The following ZNF536 variants were observed in gnomAD, a reference collection of about 807,000 sequenced individuals.
The protein encoded by ZNF536 is zinc finger protein 536.
ZNF536 carries 13 observed loss-of-function variants against 84.5 expected under a neutral mutation model. That is an observed-to-expected ratio of 0.15 (90% CI 0.10 to 0.24). ZNF536 has a LOEUF of 0.24. Among genes scored for constraint, ZNF536 ranks in the 10% least tolerant of loss-of-function variants. The pLI is 1.00. For synonymous variants in ZNF536, 811 were observed against 742.5 expected (o/e 1.09, Z -1.50); for missense variants, 1,536 against 1,747.5 (o/e 0.88, Z 2.16).
At chr19:30,656,445 T>C (rs1231912417) in intron 1 of ZNF536, among the ~76,000 whole-genome samples, 1 of 152,186 alleles carries the variant, frequency 6.6e-6, no homozygotes, top group East Asian at 1.9e-4. Context: ...TGGAGCACGT[T>C]GCACCATCTC....
chr19:30,520,772 T>C (rs2044287808), intron 2 of ZNF536, among the ~76,000 whole-genome samples: 1 of 152,066 alleles, frequency 6.6e-6, no homozygotes, highest in East Asian at 1.9e-4. Context: ...CTTTAGACCT[T>C]GTAGATGGTG....
rs148859721 is a variant in ZNF536 at position 30,316,411 on chromosome 19, A to G, written c.-120+32270A>G. On this transcript the variant is annotated intron_variant, in intron 2 of 5. Transcript: ENST00000585628. ...CATATCTGTATTGCCCACTCTAATG[A>G]CTTCTATAAATTGCTTGTTAATATG... Among the ~76,000 whole-genome samples, 161 of 152,250 alleles carry G rather than the reference A, an allele frequency of 1.1e-3. 1 individual carries two copies. The highest frequency in any genetic ancestry group is 3.7e-3 in the African/African-American group (152 of 41,560).
intron 1 of ZNF536, among the ~76,000 whole-genome samples, chr19:30,391,730 A>G (rs2147344944): frequency 6.6e-6 from 1 of 152,342 alleles, no homozygotes; most frequent in East Asian, 1.9e-4. Context: ...AAAGGCACAC[A>G]CAGAAAAAGA....
chr19:30,404,171 C>G (rs1017353825), intron 1 of ZNF536, among the ~76,000 whole-genome samples: 1 of 152,226 alleles, frequency 6.6e-6, no homozygotes, highest in Non-Finnish European at 1.5e-5. Flanking sequence ...CCACGCAGGG[C>G]CTGCCTACCT....
At chr19:30,665,377 A>G (rs958862352) in intron 1 of ZNF536, 1 of 152,212 alleles carries the variant, frequency 6.6e-6, no homozygotes, top group Admixed American at 6.5e-5. Context: ...TAATAATAAT[A>G]ATCCATAAGC....
chr19:30,669,096 G>A (rs1353049239), intron 1 of ZNF536, among the ~76,000 whole-genome samples: 1 of 152,228 alleles, frequency 6.6e-6, no homozygotes, highest in African/African-American at 2.4e-5. Flanking sequence ...AGGCTTCCTA[G>A]AGCCCAGCTA....
intron 1 of ZNF536, among the ~76,000 whole-genome samples, chr19:30,394,107 G>A (rs569305832): frequency 4.6e-4 from 70 of 152,296 alleles, no homozygotes; most frequent in Admixed American, 4.1e-3. Flanking sequence ...CAGTGAGCAA[G>A]CCTCAGTGAC....
intron 1 of ZNF536, among the ~76,000 whole-genome samples, chr19:30,241,104 G>T (rs2023909362): frequency 2.6e-5 from 4 of 152,032 alleles, no homozygotes; most frequent in Admixed American, 2.6e-4. Flanking sequence ...GATCACTGGA[G>T]CCCAGGAGTT....
chr19:30,675,664 G>T (rs1234225365), intron 1 of ZNF536, among the ~76,000 whole-genome samples: 2 of 152,182 alleles, frequency 1.3e-5, no homozygotes, highest in African/African-American at 4.8e-5. Context: ...AGAGGCAAAG[G>T]TAATGAGTGC....
chr19:30,298,392 C>G (rs2046076906), intron 2 of ZNF536, among the ~76,000 whole-genome samples: 1 of 152,234 alleles, frequency 6.6e-6, no homozygotes, highest in Admixed American at 6.5e-5. Flanking sequence ...GCACCATACC[C>G]TGTCTTTGCT....
At chr19:30,591,203 T>C (rs2047265898) in intron 1 of ZNF536, among the ~76,000 whole-genome samples, 1 of 152,208 alleles carries the variant, frequency 6.6e-6, no homozygotes. Flanking sequence ...ATGTTTGAGA[T>C]GTCAGGGCAG....
At chr19:30,681,420 G>A (rs533095748) in intron 1 of ZNF536, among the ~76,000 whole-genome samples, 7 of 152,308 alleles carry the variant, frequency 4.6e-5, no homozygotes, top group African/African-American at 7.2e-5. Flanking sequence ...CTTCCTGGAG[G>A]AGGAAGCCTG....
intron 4 of ZNF536, among the ~76,000 whole-genome samples, chr19:30,550,181 A>C (rs1216939576): frequency 6.6e-6 from 1 of 152,204 alleles, no homozygotes; most frequent in Non-Finnish European, 1.5e-5. Flanking sequence ...GTACATTGTG[A>C]AGTCCCTGAA....
chr19:30,258,088 T>C (rs1208134492), intron 1 of ZNF536, among the ~76,000 whole-genome samples: 1 of 152,232 alleles, frequency 6.6e-6, no homozygotes. Context: ...TGTTCTCCAC[T>C]GGCTGCCATT....
At chr19:30,366,582 G>GTCTATCTA (rs72156657) in intron 3 of ZNF536, among the ~76,000 whole-genome samples, 377 of 148,134 alleles carry the variant, frequency 2.5e-3, no homozygotes, top group South Asian at 3.6e-3. Context: ...TCTATCATTT[G>GTCTATCTA]TCTATCTATC....
At chr19:30,331,018 T>C (rs1323470405) in intron 2 of ZNF536, among the ~76,000 whole-genome samples, 1 of 152,102 alleles carries the variant, frequency 6.6e-6, no homozygotes, top group East Asian at 1.9e-4. Context: ...GGGCCTTATT[T>C]CACCTGTAAT....
At chr19:30,268,062 C>T (rs1599961991) in intron 1 of ZNF536, among the ~76,000 whole-genome samples, 2 of 130,796 alleles carry the variant, frequency 1.5e-5, no homozygotes, top group East Asian at 5.4e-4. Flanking sequence ...CCTTTCTCTC[C>T]CCCTCTCATC....
intron 1 of ZNF536, among the ~76,000 whole-genome samples, chr19:30,612,694 A>C (rs1033006731): frequency 9.8e-5 from 15 of 152,352 alleles, no homozygotes; most frequent in African/African-American, 3.6e-4. Flanking sequence ...ATTTTCTAAA[A>C]GAGTTTAAAA....
chr19:30,273,745 AG>A (rs2025977736), intron 1 of ZNF536, among the ~76,000 whole-genome samples: 3 of 152,228 alleles, frequency 2.0e-5, no homozygotes, highest in African/African-American at 7.2e-5. Context: ...AAGCTACTTT[AG>A]CCAGTGGCTT....
Sources: gnomAD v4.1 joint callset for allele counts (sites outside exome capture counted in the v4.1 genomes callset) on GRCh38, gnomAD v4.1.1 for gene constraint, MANE v1.5 for transcripts, NCBI Gene and HGNC (gene_info 2026-07-23, HGNC 2026-07-21) for gene names.